The following SELP variants were observed in gnomAD, a reference collection of about 807,000 sequenced individuals.
SELP encodes the protein P-selectin.
In SELP, 92 loss-of-function variants were observed where a neutral mutation model predicts 104.1. The ratio of observed to expected loss-of-function variants is 0.88; its 90% CI spans 0.75 to 1.05. The LOEUF is 1.05. Among genes scored for constraint, SELP ranks in the 50% least tolerant of loss-of-function variants. SELP has a pLI of 0.00. For missense variants in SELP, 1,022 were observed against 1,017.3 expected (o/e 1.00, Z -0.06); for synonymous variants, 397 against 364.5 (o/e 1.09, Z -1.01).
chr1:169,604,871 AG>A (rs1261179318), intron 9 of SELP, among the ~76,000 whole-genome samples: 21 of 152,320 alleles, frequency 1.4e-4, no homozygotes, highest in Admixed American at 1.2e-3. Flanking sequence ...GACATTAAAA[AG>A]GGAAATTGTC....
intron 2 of SELP, among the ~76,000 whole-genome samples, chr1:169,617,803 TC>T (rs1414074154): frequency 6.6e-6 from 1 of 152,192 alleles, no homozygotes; most frequent in Non-Finnish European, 1.5e-5. Flanking sequence ...AAGCTCTACC[TC>T]TTCACATGGA....
chr1:169,615,144 G>C (rs564365426), intron 3 of SELP, among the ~76,000 whole-genome samples: 2 of 152,048 alleles, frequency 1.3e-5, no homozygotes, highest in Admixed American at 6.6e-5. Flanking sequence ...ATCTTTTTTC[G>C]ATAGCCTGCT....
chr1:169,620,275 A>G (rs1663031440), intron 1 of SELP, among the ~76,000 whole-genome samples: 1 of 152,062 alleles, frequency 6.6e-6, no homozygotes, highest in Non-Finnish European at 1.5e-5. Context: ...CGACTTCCTC[A>G]TGTTGCACAT....
At chr1:169,626,196 G>A (rs2101935233) in intron 1 of SELP, among the ~76,000 whole-genome samples, 1 of 152,314 alleles carries the variant, frequency 6.6e-6, no homozygotes, top group East Asian at 1.9e-4. Context: ...AATGAGCAAT[G>A]GAGAGAAAAA....
Position 169,613,163 on chromosome 1 carries a change from C to A in SELP, c.590-49G>T, listed in dbSNP as rs3917721. On this transcript the variant is annotated intron_variant, in intron 4 of 16. Coordinates refer to ENST00000263686, the MANE Select transcript of SELP (RefSeq NM_003005.4). ...TTTATTTTCCATGTAGAATTAACAGCAATGTCATGTTTGCTGAAAGCTGTA... is the reference window on the plus strand; with the variant it reads ...TTTATTTTCCATGTAGAATTAACAGAAATGTCATGTTTGCTGAAAGCTGTA... 4 of 1,491,844 alleles carry A rather than the reference C, an allele frequency of 2.7e-6. No homozygotes were observed. In the African/African-American group the frequency reaches 4.2e-5, roughly 16 times the overall value. The allele number at this position is 1,491,844 out of a possible 1,614,324, so 92.4% of individuals were successfully genotyped here. A position where few individuals can be genotyped will look rare whatever the true frequency, so the allele number is the denominator to read the frequency against.
rs539869908 is a variant in SELP at position 169,594,701 on chromosome 1, T to G, written c.2278A>C (p.Thr760Pro). 1.9e-6 allele frequency: 3 copies of G among 1,613,188 alleles called. No individual in the cohort carries two copies. The South Asian group carries it at 3.3e-5, about 18-fold the overall frequency. ...ENGHWSTTVP[T>P]CQAGPLTIQE... ...CACATGAAAATTGTACCTTGGCAGG[T>G]TGGCACGGTAGTTGACCAGTGGCCA... The change falls in exon 13 of 17, where the codon ACC becomes CCC. Residue 760 changes from threonine (T) to proline (P), a missense_variant. Thr to Pro is a conservative substitution (Grantham distance 38). Coordinates refer to ENST00000263686, the MANE Select transcript of SELP (RefSeq NM_003005.4).
At chr1:169,629,420 T>G (rs758623941) in intron 1 of SELP, among the ~76,000 whole-genome samples, 8 of 152,246 alleles carry the variant, frequency 5.3e-5, no homozygotes, top group Non-Finnish European at 1.0e-4. Context: ...AGCAAAATCT[T>G]ATTTAATCCT....
At chr1:169,606,863 T>G in intron 9 of SELP, 86 bp downstream of exon 9, 1 of 1,224,710 alleles carries the variant, frequency 8.2e-7, no homozygotes, top group Non-Finnish European at 1.2e-6. Flanking sequence ...AAGGTGGATC[T>G]TACATAGTTG....
intron 1 of SELP, among the ~76,000 whole-genome samples, chr1:169,620,795 T>TTGTGTG (rs779947394): frequency 0.067 from 7,426 of 110,342 alleles, 415 homozygotes; most frequent in African/African-American, 0.13. Context: ...CGGTGTGGGG[T>TTGTGTG]TGTGTGTGTG....
rs1487521574 is a variant in SELP at position 169,609,596 on chromosome 1, A to C, written c.1241T>G (p.Phe414Cys). 3.7e-6 allele frequency: 6 copies of C among 1,613,940 alleles called. No individual in the cohort carries two copies. The Middle Eastern group carries it at 6.6e-4, about 177-fold the overall frequency. Residue 414 changes from phenylalanine (F) to cysteine (C), a missense_variant, in exon 8 of 17, where the codon TTC (phenylalanine) becomes TGC (cysteine). Physicochemically the swap from Phe to Cys is radical, Grantham distance 205. Transcript: ENST00000263686. ...CAGCATGAAACCTTCAGCACAGCGG[A>C]AGCTACAGTTGGTGTCATACTGAAA... ...RAFQYDTNCSFRCAEGFMLRG... is the reference protein window; with the variant it reads ...RAFQYDTNCSCRCAEGFMLRG...
chr1:169,621,150 T>C (rs539974563), intron 1 of SELP, among the ~76,000 whole-genome samples: 51 of 133,706 alleles, frequency 3.8e-4, no homozygotes, highest in Non-Finnish European at 5.8e-4. Flanking sequence ...GTAGGGTGCA[T>C]GGGACTGTGT....
intron 1 of SELP, among the ~76,000 whole-genome samples, chr1:169,627,947 G>A (rs990628373): frequency 1.3e-5 from 2 of 152,176 alleles, no homozygotes; most frequent in Non-Finnish European, 2.9e-5. Flanking sequence ...CCAGGCTGGA[G>A]TTCAGTGGTG....
At chr1:169,616,094 C>A (rs540172078) in intron 3 of SELP, among the ~76,000 whole-genome samples, 5 of 152,210 alleles carry the variant, frequency 3.3e-5, no homozygotes, top group Non-Finnish European at 5.9e-5. Context: ...GAAGACCAAG[C>A]TTTCAGGAAT....
At chr1:169,626,985 T>C (rs1325711088) in intron 1 of SELP, among the ~76,000 whole-genome samples, 2 of 132,156 alleles carry the variant, frequency 1.5e-5, no homozygotes, top group East Asian at 2.0e-4. Flanking sequence ...AGTGCGATAC[T>C]TTTTTTTTTT....
Position 169,611,420 on chromosome 1 carries a change from G to C in SELP, c.1147+72C>G, listed in dbSNP as rs114552109. ...TTAGAAGAGATCACCCCGACACTGA[G>C]AGCCCTTGGCCTCTCTACCATGCCA... is the stretch of plus-strand genomic sequence containing the variant. On this transcript the variant is annotated intron_variant, in intron 7 of 16. Transcript: ENST00000263686. 7.2e-4 allele frequency: 1,064 copies of C among 1,474,558 alleles called. 6 individuals are homozygous for C. The African/African-American group carries it at 0.012, about 16-fold the overall frequency. The allele number at this position is 1,474,558 out of a possible 1,614,324, so 91.3% of individuals were successfully genotyped here.
chr1:169,603,224 T>G lies in SELP; in HGVS notation c.1520-13A>C, dbSNP rs1662002564. On this transcript the variant is annotated splice_polypyrimidine_tract_variant and intron_variant, in intron 9 of 16. Transcript: ENST00000263686. Reference sequence around the variant, plus strand: ...GTGCAGGGAATGGCTATCATGGGCATGGCAGAGGAGAAAAGAAGAGATCAT... The same window carrying G: ...GTGCAGGGAATGGCTATCATGGGCAGGGCAGAGGAGAAAAGAAGAGATCAT... 1 of 1,603,876 alleles carries G rather than the reference T, an allele frequency of 6.2e-7. No individual in the cohort carries two copies.
chr1:169,616,622 A>T (rs137907743), intron 3 of SELP, among the ~76,000 whole-genome samples: 139 of 152,294 alleles, frequency 9.1e-4, no homozygotes, highest in African/African-American at 3.1e-3. Flanking sequence ...GGCAGGGCTA[A>T]ATTTCCTTCC....
chr1:169,613,190 C>G, intron 4 of SELP, 76 bp from the exon 5 acceptor site: 1 of 1,359,384 alleles, frequency 7.4e-7, no homozygotes, highest in Non-Finnish European at 9.9e-7. Context: ...AAAGCTGTAA[C>G]TATTTGTGTA....
At chr1:169,601,296 C>T (rs1452552293) in intron 10 of SELP, among the ~76,000 whole-genome samples, 2 of 152,196 alleles carry the variant, frequency 1.3e-5, no homozygotes, top group East Asian at 3.9e-4. Context: ...ATGTCTTTCA[C>T]CCTACAGAAT....
Sources: gnomAD v4.1 joint callset for allele counts (sites outside exome capture counted in the v4.1 genomes callset) on GRCh38, gnomAD v4.1.1 for gene constraint, MANE v1.5 for transcripts, NCBI Gene and HGNC (gene_info 2026-07-23, HGNC 2026-07-21) for gene names.